The following YAP1 variants were observed in gnomAD, a reference collection of about 807,000 sequenced individuals.
The protein encoded by YAP1 is transcriptional coactivator YAP1.
YAP1 carries 5 observed loss-of-function variants against 56.9 expected under a neutral mutation model. The observed-to-expected ratio is 0.09, with a 90% CI of 0.05 to 0.18. YAP1 has a LOEUF of 0.18. YAP1 is among the 10% of genes least tolerant of loss of function. YAP1 has a pLI of 1.00. For synonymous variants in YAP1, 265 were observed against 248.1 expected (o/e 1.07, Z -0.64); for missense variants, 539 against 651.8 (o/e 0.83, Z 1.88).
intron 2 of YAP1, among the ~76,000 whole-genome samples, chr11:102,143,821 T>C (rs1473803153): frequency 6.6e-6 from 1 of 152,242 alleles, no homozygotes; most frequent in African/African-American, 2.4e-5. Flanking sequence ...TTTTGTATGA[T>C]AACTGTGAAA....
chr11:102,114,043 T>TAAGTGG, intron 1 of YAP1, 101 bp from the exon 2 acceptor site: 1 of 1,295,138 alleles, frequency 7.7e-7, no homozygotes, highest in Non-Finnish European at 1.0e-6. Flanking sequence ...TTTCCTTTGG[T>TAAGTGG]ACTTAGATAT....
chr11:102,196,149 C>A (rs531713662), intron 4 of YAP1, among the ~76,000 whole-genome samples: 102 of 152,208 alleles, frequency 6.7e-4, no homozygotes, highest in Middle Eastern at 6.8e-3. Context: ...AAAACATTAA[C>A]CATAACATTC....
chr11:102,172,562 G>T (rs938276684), intron 3 of YAP1, among the ~76,000 whole-genome samples: 1 of 151,192 alleles, frequency 6.6e-6, no homozygotes, highest in Non-Finnish European at 1.5e-5. Flanking sequence ...GCTTTTCTGG[G>T]GATTACATGT....
intron 3 of YAP1, among the ~76,000 whole-genome samples, chr11:102,179,699 A>C (rs1435595044): frequency 6.6e-6 from 1 of 151,714 alleles, no homozygotes; most frequent in Non-Finnish European, 1.5e-5. Flanking sequence ...TCTTTCTTTC[A>C]TGCATGCTGC....
intron 4 of YAP1, among the ~76,000 whole-genome samples, chr11:102,205,187 T>TG (rs372442378): frequency 1.3e-5 from 2 of 152,058 alleles, no homozygotes; most frequent in African/African-American, 4.8e-5. Flanking sequence ...GGCTTTGTGC[T>TG]GGGGGTTACC....
At chr11:102,173,170 G>C (rs933020028) in intron 3 of YAP1, among the ~76,000 whole-genome samples, 2 of 152,168 alleles carry the variant, frequency 1.3e-5, no homozygotes, top group African/African-American at 2.4e-5. Context: ...GGGAAGTTAA[G>C]TTAGAAGAAA....
intron 6 of YAP1, among the ~76,000 whole-genome samples, chr11:102,218,539 A>G (rs1316179440): frequency 6.6e-6 from 1 of 152,230 alleles, no homozygotes; most frequent in Non-Finnish European, 1.5e-5. Flanking sequence ...AAGGCTAACT[A>G]TATTTGTTTT....
At chr11:102,184,863 A>G (rs1254656826) in intron 3 of YAP1, among the ~76,000 whole-genome samples, 3 of 152,232 alleles carry the variant, frequency 2.0e-5, no homozygotes, top group Admixed American at 6.5e-5. Flanking sequence ...CCTGGCTTTG[A>G]GTACCATTCC....
intron 4 of YAP1, among the ~76,000 whole-genome samples, chr11:102,201,585 G>A (rs1185898542): frequency 1.3e-5 from 2 of 152,064 alleles, no homozygotes; most frequent in East Asian, 3.8e-4. Context: ...AGATAAAATT[G>A]CAAAGAAATC....
At chr11:102,166,416 C>T (rs1052183718) in intron 3 of YAP1, among the ~76,000 whole-genome samples, 2 of 152,174 alleles carry the variant, frequency 1.3e-5, no homozygotes, top group South Asian at 2.1e-4. Flanking sequence ...ATAGCCGTAA[C>T]GTCATGTTGA....
At chr11:102,159,508 T>C (rs956720015) in intron 2 of YAP1, among the ~76,000 whole-genome samples, 53 of 152,384 alleles carry the variant, frequency 3.5e-4, no homozygotes, top group African/African-American at 1.1e-3. Flanking sequence ...ACCTGTCATC[T>C]TCACTTAACT....
At chr11:102,118,113 G>A (rs1035434334) in intron 2 of YAP1, among the ~76,000 whole-genome samples, 5 of 152,090 alleles carry the variant, frequency 3.3e-5, no homozygotes, top group Non-Finnish European at 5.9e-5. Context: ...GTACCATGTA[G>A]GACCTTATAA....
At chr11:102,132,235 G>C (rs1218269876) in intron 2 of YAP1, among the ~76,000 whole-genome samples, 1 of 152,226 alleles carries the variant, frequency 6.6e-6, no homozygotes, top group Non-Finnish European at 1.5e-5. Context: ...AAGGGAGTTA[G>C]CATTTTCAGC....
intron 4 of YAP1, among the ~76,000 whole-genome samples, chr11:102,195,009 C>G (rs991251210): frequency 6.6e-6 from 1 of 152,150 alleles, no homozygotes; most frequent in Non-Finnish European, 1.5e-5. Flanking sequence ...CCTCCTGCCT[C>G]AGCCTCCCAA....
chr11:102,121,618 A>G (rs12420608), intron 2 of YAP1, among the ~76,000 whole-genome samples: 12,056 of 152,086 alleles, frequency 0.079, 764 homozygotes, highest in African/African-American at 0.16. Flanking sequence ...TTGGTCACTT[A>G]GTAGCCACCT....
intron 3 of YAP1, among the ~76,000 whole-genome samples, chr11:102,170,116 G>A (rs189429856): frequency 5.3e-5 from 8 of 152,288 alleles, no homozygotes; most frequent in Non-Finnish European, 7.4e-5. Context: ...GCATAATGAA[G>A]ATGCCACTCG....
intron 6 of YAP1, among the ~76,000 whole-genome samples, chr11:102,220,384 G>A (rs1449208342): frequency 6.6e-6 from 1 of 152,146 alleles, no homozygotes; most frequent in African/African-American, 2.4e-5. Flanking sequence ...AATTTGTAAT[G>A]ATAACATTCT....
Position 102,163,090 on chromosome 11 carries a change from G to T in YAP1, c.688+519G>T, listed in dbSNP as rs1025566083. 4.0e-5 allele frequency among the ~76,000 whole-genome samples: 6 copies of T among 150,708 alleles called. No individual in the cohort carries two copies. In the South Asian group the frequency reaches 1.0e-3, roughly 26 times the overall value. On this transcript the variant is annotated intron_variant, in intron 3 of 8. Coordinates refer to ENST00000282441, the MANE Select transcript of YAP1 (RefSeq NM_001130145.3). ...GGCAGTAACTTTTGTAAACCCAAAA[G>T]AATATTTCTTATTCCCAGGGCAAGC...
intron 3 of YAP1, 63 bp from the exon 4 acceptor site, chr11:102,185,955 C>G: frequency 6.8e-7 from 1 of 1,471,296 alleles, no homozygotes; most frequent in Non-Finnish European, 9.0e-7. Context: ...AGTACCCCCT[C>G]CCACTTTTTT....
Sources: gnomAD v4.1 joint callset for allele counts (sites outside exome capture counted in the v4.1 genomes callset) on GRCh38, gnomAD v4.1.1 for gene constraint, MANE v1.5 for transcripts, NCBI Gene and HGNC (gene_info 2026-07-23, HGNC 2026-07-21) for gene names.